Variants in RICTOR observed in about 807,000 individuals in gnomAD.
RICTOR encodes rapamycin-insensitive companion of mTOR.
RICTOR carries 49 observed loss-of-function variants against 214.9 expected under a neutral mutation model. The observed-to-expected ratio is 0.23, with a 90% CI of 0.18 to 0.29. The LOEUF (loss-of-function observed/expected upper bound fraction) is 0.29, where lower values mean the gene tolerates loss of function less well. RICTOR is among the 10% of genes least tolerant of loss of function. RICTOR has a pLI of 1.00. For synonymous variants in RICTOR, 717 were observed against 711.3 expected (o/e 1.01, Z -0.13); for missense variants, 1,625 against 2,047.0 (o/e 0.79, Z 3.98).
At chr5:38,957,370 C>A (rs1579909337) in intron 25 of RICTOR, among the ~76,000 whole-genome samples, 1 of 151,938 alleles carries the variant, frequency 6.6e-6, no homozygotes, top group South Asian at 2.1e-4. Context: ...ATAAACAGGG[C>A]CAAAAATTAG....
At chr5:38,972,647 G>A (rs1203274154) in intron 10 of RICTOR, among the ~76,000 whole-genome samples, 1 of 152,050 alleles carries the variant, frequency 6.6e-6, no homozygotes, top group Non-Finnish European at 1.5e-5. Flanking sequence ...AGTCACATAT[G>A]CTGATGATGG....
At chr5:38,990,526 G>C (rs1348574174) in intron 7 of RICTOR, among the ~76,000 whole-genome samples, 2 of 137,014 alleles carry the variant, frequency 1.5e-5, no homozygotes, top group African/African-American at 5.3e-5. Context: ...ATATATATAC[G>C]ATATATATAC....
At chr5:39,073,771 T>C (rs1759502984) in intron 2 of RICTOR, among the ~76,000 whole-genome samples, 1 of 152,144 alleles carries the variant, frequency 6.6e-6, no homozygotes, top group Admixed American at 6.5e-5. Flanking sequence ...TGCCCCTAGC[T>C]TGGGCTGCCG....
intron 28 of RICTOR, 74 bp from the exon 29 acceptor site, chr5:38,953,165 C>T (rs1481271656): frequency 3.0e-6 from 3 of 990,550 alleles, no homozygotes; most frequent in Non-Finnish European, 3.1e-6. Context: ...TACCAAGAAA[C>T]AAATTTAACC....
intron 3 of RICTOR, among the ~76,000 whole-genome samples, chr5:39,015,387 G>A (rs1306269524): frequency 6.6e-6 from 1 of 152,058 alleles, no homozygotes; most frequent in Non-Finnish European, 1.5e-5. Context: ...TAAATTCAGT[G>A]TTCTGTGCTG....
chr5:39,023,529 C>T (rs1396739493), intron 2 of RICTOR, among the ~76,000 whole-genome samples: 1 of 152,218 alleles, frequency 6.6e-6, no homozygotes, highest in African/African-American at 2.4e-5. Context: ...TCAATTTCTT[C>T]AGATGGCTAT....
chr5:39,063,158 A>G (rs1186935411), intron 2 of RICTOR, among the ~76,000 whole-genome samples: 11 of 152,132 alleles, frequency 7.2e-5, no homozygotes, highest in Admixed American at 7.2e-4. Context: ...CTACAAAACA[A>G]TGGAAGAAAA....
At position 38,940,331 on chromosome 5, in the gene RICTOR, G is replaced by A. The variant is rs1747422634; in HGVS notation, c.*1973C>T. The A allele has an allele frequency of 4.3e-6, 1 of 230,692 alleles. No homozygotes were observed. Among genetic ancestry groups the A allele is most frequent in the Non-Finnish European group, 8.6e-6 (1 of 116,368 alleles). The allele number at this position is 230,692 out of a possible 1,614,324, so 14.3% of individuals were successfully genotyped here. A position where few individuals can be genotyped will look rare whatever the true frequency, so the allele number is the denominator to read the frequency against. On this transcript the variant is annotated 3_prime_UTR_variant, in exon 38 of 38. Coordinates refer to ENST00000357387, the MANE Select transcript of RICTOR (RefSeq NM_152756.5). ...ATTTTTATACTCTATATTAACTGAG[G>A]TAGTGTTTAAAATGAATGTCTAAAA... is the stretch of plus-strand genomic sequence containing the variant.
intron 2 of RICTOR, among the ~76,000 whole-genome samples, chr5:39,069,394 G>C (rs558738789): frequency 1.4e-3 from 219 of 152,342 alleles, no homozygotes; most frequent in Middle Eastern, 3.4e-3. Flanking sequence ...TGAGCCAACT[G>C]TAAGGGAGAA....
chr5:39,058,920 C>A (rs925537302), intron 2 of RICTOR, among the ~76,000 whole-genome samples: 2 of 152,042 alleles, frequency 1.3e-5, no homozygotes, highest in South Asian at 4.1e-4. Context: ...AAAAAGTTCA[C>A]CTATCTAGAC....
chr5:38,963,306 T>C (rs1749949427), intron 16 of RICTOR, among the ~76,000 whole-genome samples: 1 of 152,038 alleles, frequency 6.6e-6, no homozygotes, highest in African/African-American at 2.4e-5. Context: ...ATATTGGTTT[T>C]AAGAACTACA....
chr5:38,943,781 C>A (rs1203564462), intron 36 of RICTOR, among the ~76,000 whole-genome samples: 1 of 152,112 alleles, frequency 6.6e-6, no homozygotes, highest in Non-Finnish European at 1.5e-5. Flanking sequence ...CCACTGCACT[C>A]CAGCCTGGGT....
At chr5:38,978,924 T>A (rs966338684) in intron 8 of RICTOR, among the ~76,000 whole-genome samples, 6 of 152,196 alleles carry the variant, frequency 3.9e-5, no homozygotes, top group Admixed American at 6.5e-5. Context: ...AGATAAAACA[T>A]TATAGGCATC....
chr5:38,990,794 T>TAG lies in RICTOR; in HGVS notation c.583+154_583+155insCT, dbSNP rs1374243356. On this transcript the variant is annotated intron_variant, in intron 7 of 37. Transcript: ENST00000357387. ...TATGATATATATGAGATATATGAGA[T>TAG]ATATGATATATATGAGATATATGAG... Among the ~76,000 whole-genome samples, 192 of 95,482 alleles carry TAG rather than the reference T, an allele frequency of 2.0e-3. 11 individuals carry two copies. Among genetic ancestry groups the TAG allele is most frequent in the African/African-American group, 7.1e-3 (177 of 24,964 alleles). 62.6% of individuals were successfully genotyped at this position (95,482 alleles called of 152,430 possible).
intron 16 of RICTOR, among the ~76,000 whole-genome samples, chr5:38,964,472 A>T (rs1009560010): frequency 5.9e-5 from 9 of 151,880 alleles, no homozygotes; most frequent in African/African-American, 1.9e-4. Context: ...GACATAAAAA[A>T]AAGAGCCAGA....
rs1748698280 is a variant in RICTOR at position 38,950,729 on chromosome 5, G to A, written c.3128-9C>T. Reference sequence around the variant, plus strand: ...CTCCAATATGAACATACCTATGATTGAAGGATCAATTAATAAAAACACATA... The same window carrying A: ...CTCCAATATGAACATACCTATGATTAAAGGATCAATTAATAAAAACACATA... On this transcript the variant is annotated splice_polypyrimidine_tract_variant and intron_variant, in intron 30 of 37. Coordinates refer to ENST00000357387, the MANE Select transcript of RICTOR (RefSeq NM_152756.5). 2 of 1,544,978 alleles carry A rather than the reference G, an allele frequency of 1.3e-6. No homozygotes were observed. The highest frequency in any genetic ancestry group is 2.8e-5 in the African/African-American group (2 of 71,960).
chr5:38,959,173 T>C (rs754997567), intron 22 of RICTOR, 22 bp downstream of exon 22: 3 of 1,537,766 alleles, frequency 2.0e-6, no homozygotes, highest in Non-Finnish European at 2.6e-6. Context: ...AAATATAGTT[T>C]TACTGGCTAT....
chr5:39,026,553 A>C (rs1755836021), intron 2 of RICTOR, among the ~76,000 whole-genome samples: 1 of 152,088 alleles, frequency 6.6e-6, no homozygotes, highest in Admixed American at 6.6e-5. Context: ...GCAATTCCAA[A>C]TATCCAGTGA....
At chr5:39,027,210 C>T (rs1213649483) in intron 2 of RICTOR, among the ~76,000 whole-genome samples, 1 of 151,894 alleles carries the variant, frequency 6.6e-6, no homozygotes, top group African/African-American at 2.4e-5. Flanking sequence ...ACTTAATTAC[C>T]CCCAAGGAGA....
Sources: allele counts gnomAD v4.1 joint callset (sites outside exome capture counted in the v4.1 genomes callset), GRCh38; gene constraint gnomAD v4.1.1; transcripts MANE v1.5; gene names NCBI Gene and HGNC (gene_info 2026-07-23, HGNC 2026-07-21).